PHACTR1: variants seen among roughly 807,000 people sequenced by gnomAD.
The protein encoded by PHACTR1 is phosphatase and actin regulator 1.
In PHACTR1, 16 loss-of-function variants were observed where a neutral mutation model predicts 69.2. That is an observed-to-expected ratio of 0.23 (90% CI 0.16 to 0.35). PHACTR1 has a LOEUF of 0.35. PHACTR1 is among the 10% of genes least tolerant of loss of function. The pLI is 1.00. For synonymous variants in PHACTR1, 312 were observed against 284.5 expected (o/e 1.10, Z -0.97); for missense variants, 510 against 734.7 (o/e 0.69, Z 3.54).
At chr6:12,921,688 GGAT>G in intron 4 of PHACTR1, among the ~76,000 whole-genome samples, 1 of 125,902 alleles carries the variant, frequency 7.9e-6, no homozygotes. Flanking sequence ...GAAGGAGGAA[GGAT>G]GGAAAGAAGC....
At chr6:12,780,251 G>C (rs9349321) in intron 4 of PHACTR1, among the ~76,000 whole-genome samples, 62 of 20,298 alleles carry the variant, frequency 3.1e-3, no homozygotes, top group East Asian at 0.036. Flanking sequence ...TCTTTTCTCT[G>C]TGTGTGTGTG....
At chr6:12,768,807 TCTAC>T (rs1769003199) in intron 4 of PHACTR1, among the ~76,000 whole-genome samples, 2 of 122,672 alleles carry the variant, frequency 1.6e-5, no homozygotes, top group African/African-American at 3.2e-5. Flanking sequence ...AAATGTGCTA[TCTAC>T]ACACACACAC....
At chr6:12,826,028 T>A (rs765794693) in intron 4 of PHACTR1, among the ~76,000 whole-genome samples, 11 of 152,370 alleles carry the variant, frequency 7.2e-5, no homozygotes, top group Non-Finnish European at 1.2e-4. Context: ...GGAGTGTTTC[T>A]CAGTATGATT....
chr6:12,985,617 T>C (rs180933197), intron 4 of PHACTR1, among the ~76,000 whole-genome samples: 7 of 149,630 alleles, frequency 4.7e-5, no homozygotes, highest in Admixed American at 2.0e-4. Flanking sequence ...TGAAAGTTAA[T>C]AGTATTTTTT....
intron 4 of PHACTR1, among the ~76,000 whole-genome samples, chr6:12,894,546 A>G (rs973993221): frequency 1.3e-5 from 2 of 152,240 alleles, no homozygotes; most frequent in Non-Finnish European, 2.9e-5. Flanking sequence ...CGGATGTAGC[A>G]GTGAGCCGAG....
intron 4 of PHACTR1, among the ~76,000 whole-genome samples, chr6:12,836,956 C>T (rs1582008330): frequency 6.6e-6 from 1 of 152,134 alleles, no homozygotes; most frequent in African/African-American, 2.4e-5. Context: ...AATCAATGAC[C>T]TCAATTTTCC....
chr6:12,977,012 C>G (rs751058619), intron 4 of PHACTR1, among the ~76,000 whole-genome samples: 17 of 152,184 alleles, frequency 1.1e-4, no homozygotes, highest in Non-Finnish European at 2.4e-4. Context: ...GTTGCTCAGG[C>G]TGGAGTGCAA....
chr6:13,013,103 C>A (rs1367254937), intron 4 of PHACTR1, among the ~76,000 whole-genome samples: 1 of 152,168 alleles, frequency 6.6e-6, no homozygotes, highest in Non-Finnish European at 1.5e-5. Flanking sequence ...CTTTGGAAAT[C>A]CTGGTAGATG....
chr6:12,757,155 TGGA>T (rs1767421486), intron 4 of PHACTR1, among the ~76,000 whole-genome samples: 1 of 151,942 alleles, frequency 6.6e-6, no homozygotes, highest in Non-Finnish European at 1.5e-5. Flanking sequence ...ATAGACAACA[TGGA>T]GGAGAAGGGC....
At chr6:13,235,489 G>T (rs1771851121) in intron 10 of PHACTR1, among the ~76,000 whole-genome samples, 1 of 152,176 alleles carries the variant, frequency 6.6e-6, no homozygotes, top group South Asian at 2.1e-4. Context: ...GCCCTGTCAG[G>T]GCGACCTCGT....
chr6:13,286,306 C>G, intron 14 of PHACTR1, 84 bp downstream of exon 14: 1 of 1,178,328 alleles, frequency 8.5e-7, no homozygotes, highest in Non-Finnish European at 1.2e-6. Flanking sequence ...ACTTGTGGGA[C>G]ATGAGTGGGT....
chr6:12,976,227 G>A (rs1794865248), intron 4 of PHACTR1, among the ~76,000 whole-genome samples: 1 of 152,194 alleles, frequency 6.6e-6, no homozygotes, highest in Non-Finnish European at 1.5e-5. Context: ...TTCAGAGGTG[G>A]TGCGTGAGCA....
At chr6:13,189,921 C>T (rs752743858) in intron 7 of PHACTR1, among the ~76,000 whole-genome samples, 2 of 151,430 alleles carry the variant, frequency 1.3e-5, no homozygotes, top group African/African-American at 2.4e-5. Context: ...CCGTAGGGTT[C>T]GGTTTCTAGT....
chr6:13,232,866 A>T (rs957141149), intron 10 of PHACTR1, among the ~76,000 whole-genome samples: 11 of 152,192 alleles, frequency 7.2e-5, no homozygotes, highest in Admixed American at 5.9e-4. Flanking sequence ...CTTTTATTAT[A>T]GCTCCTTCCC....
intron 8 of PHACTR1, among the ~76,000 whole-genome samples, chr6:13,226,854 C>T (rs1050458252): frequency 1.3e-5 from 2 of 151,742 alleles, no homozygotes; most frequent in African/African-American, 4.8e-5. Flanking sequence ...TCTCCTGCCT[C>T]ACCCTCCCAA....
chr6:12,763,881 G>A (rs1768311064), intron 4 of PHACTR1, among the ~76,000 whole-genome samples: 2 of 151,920 alleles, frequency 1.3e-5, no homozygotes, highest in African/African-American at 4.8e-5. Flanking sequence ...GGGGCAGAAG[G>A]AAAATAAGAA....
At position 13,178,505 on chromosome 6, in the gene PHACTR1, G is replaced by C. The variant is rs147781911; in HGVS notation, c.497-4014G>C. Among the ~76,000 whole-genome samples, 684 of 152,304 alleles carry C rather than the reference G, an allele frequency of 4.5e-3. 1 individual carries two copies. The highest frequency in any genetic ancestry group is 6.8e-3 in the Non-Finnish European group (463 of 68,024). On this transcript the variant is annotated intron_variant, in intron 6 of 14. Coordinates refer to ENST00000332995, the MANE Select transcript of PHACTR1 (RefSeq NM_030948.6). Reference sequence around the variant, plus strand: ...GACTTATTAGATGTGCACATTCTTGGGTCTCACCCAGAAACTACTGGGTCA... The same window carrying C: ...GACTTATTAGATGTGCACATTCTTGCGTCTCACCCAGAAACTACTGGGTCA...
intron 4 of PHACTR1, among the ~76,000 whole-genome samples, chr6:12,836,765 G>A (rs1331883758): frequency 2.6e-5 from 4 of 152,112 alleles, no homozygotes; most frequent in South Asian, 2.1e-4. Context: ...TCCTTTAACT[G>A]TTCCATAGAT....
rs146277775 is a variant in PHACTR1, at chr6:13,115,101, T to C, written c.416-45103T>C. Among the ~76,000 whole-genome samples the C allele has an allele frequency of 2.9e-3, 444 of 152,304 alleles. 1 individual carries two copies. The highest frequency in any genetic ancestry group is 0.011 in the African/African-American group (439 of 41,572). On this transcript the variant is annotated intron_variant, in intron 5 of 14. Transcript: ENST00000332995. ...TAACTAGGCTAAACTGCCTCCCAAG[T>C]TGGGACCAATGCCCTCATTTTATAG...
Sources: allele counts gnomAD v4.1 joint callset (sites outside exome capture counted in the v4.1 genomes callset), GRCh38; gene constraint gnomAD v4.1.1; transcripts MANE v1.5; gene names NCBI Gene and HGNC (gene_info 2026-07-23, HGNC 2026-07-21).